LRP12: variants seen among roughly 807,000 people sequenced by gnomAD.
LRP12 encodes LDL receptor related protein 12.
Under a neutral mutation model 66.0 loss-of-function variants are expected in LRP12, and 14 were observed. The observed-to-expected ratio is 0.21, with a 90% confidence interval of 0.14 to 0.33. LRP12 has a LOEUF of 0.33. LRP12 is among the 10% of genes least tolerant of loss of function. The pLI, the probability that LRP12 is intolerant of heterozygous loss-of-function variation, is 1.00. For synonymous variants in LRP12, 357 were observed against 359.1 expected, an observed-to-expected ratio of 0.99 and a Z score of 0.07; for missense variants, 889 against 1,053.4, an observed-to-expected ratio of 0.84 and a Z score of 2.16.
chr8:104,512,359 A>C (rs1194948964), intron 2 of LRP12, among the ~76,000 whole-genome samples: 1 of 152,208 alleles, frequency 6.6e-6, no homozygotes, highest in African/African-American at 2.4e-5. Flanking sequence ...GCTAAAGGAA[A>C]TCTTAAGTTC....
At position 104,554,310 on chromosome 8, in the gene LRP12, C is replaced by T. The variant is rs145653626; in HGVS notation, c.80-22347G>A. Among the ~76,000 whole-genome samples, 24 of 152,070 alleles carry T rather than the reference C, an allele frequency of 1.6e-4. 1 individual carries two copies. Among genetic ancestry groups the T allele is most frequent in the African/African-American group, 3.6e-4 (15 of 41,482 alleles). On this transcript the variant is annotated intron_variant, in intron 1 of 6. Coordinates refer to ENST00000276654, the MANE Select transcript of LRP12 (RefSeq NM_013437.5). ...TTGCCAGAAAAAGAATTCAGATGGT[C>T]GATTATTAAGCTACTCAAAGAGGCA...
chr8:104,547,778 T>G (rs908362917), intron 1 of LRP12, among the ~76,000 whole-genome samples: 3 of 130,062 alleles, frequency 2.3e-5, no homozygotes, highest in Admixed American at 8.5e-5. Flanking sequence ...TATTATATTT[T>G]GTATATAATA....
chr8:104,584,099 A>G (rs1443191045), intron 1 of LRP12, among the ~76,000 whole-genome samples: 2 of 152,014 alleles, frequency 1.3e-5, no homozygotes, highest in Non-Finnish European at 2.9e-5. Flanking sequence ...ATGGGAATAA[A>G]TAATGTACAT....
At chr8:104,491,640 TTC>T in intron 6 of LRP12, 101 bp from the exon 7 acceptor site, 2 of 977,030 alleles carry the variant, frequency 2.0e-6, no homozygotes, top group Non-Finnish European at 2.9e-6. Context: ...TGGTTAAAAA[TTC>T]TGTTACTCAT....
intron 1 of LRP12, among the ~76,000 whole-genome samples, chr8:104,547,724 A>G (rs1811614208): frequency 1.6e-5 from 2 of 127,280 alleles, no homozygotes; most frequent in South Asian, 2.4e-4. Context: ...ATATTATGTT[A>G]TATTTTGTAT....
intron 1 of LRP12, among the ~76,000 whole-genome samples, chr8:104,583,241 T>C (rs752155221): frequency 6.6e-6 from 1 of 152,164 alleles, no homozygotes; most frequent in Non-Finnish European, 1.5e-5. Context: ...CCAAACTCTT[T>C]ACCATGGATT....
rs912052706 is a variant in LRP12, at chr8:104,555,521, A to G, written c.80-23558T>C. On this transcript the variant is annotated intron_variant, in intron 1 of 6. Coordinates refer to ENST00000276654, the MANE Select transcript of LRP12 (RefSeq NM_013437.5). The stretch of plus-strand genomic sequence containing the variant: ...TCTTATATCAGACAACATAAACTTG[A>G]AAGCAACAACAGTAAAAAAGAAATA... 2.6e-5 allele frequency among the ~76,000 whole-genome samples: 4 copies of G among 152,302 alleles called. No individual in the cohort carries two copies. The East Asian group carries it at 5.8e-4, about 22-fold the overall frequency.
intron 1 of LRP12, among the ~76,000 whole-genome samples, chr8:104,588,422 C>A (rs1181675316): frequency 6.6e-6 from 1 of 152,134 alleles, no homozygotes; most frequent in East Asian, 1.9e-4. Context: ...GAAGGACCGT[C>A]CCGGCAGCGG....
intron 1 of LRP12, among the ~76,000 whole-genome samples, chr8:104,558,037 C>G (rs1240850162): frequency 1.3e-5 from 2 of 152,090 alleles, no homozygotes; most frequent in Non-Finnish European, 2.9e-5. Flanking sequence ...TGGTGAAACC[C>G]TGTCTCTACT....
rs1810586746 is a variant in LRP12, at chr8:104,489,676, G to C, written c.*997C>G. 6.6e-6 allele frequency: 1 copy of C among 152,082 alleles called. No homozygotes were observed. The highest frequency in any genetic ancestry group is 6.5e-5 in the Admixed American group (1 of 15,274). The allele number at this position is 152,082 out of a possible 1,614,324, so 9.4% of individuals were successfully genotyped here. ...GAAACCAGCAAAGCAATTTCAAGTTGTAATAAAAATGTCCCCCGCCCCCAG... is the reference window on the plus strand; with the variant it reads ...GAAACCAGCAAAGCAATTTCAAGTTCTAATAAAAATGTCCCCCGCCCCCAG... On this transcript the variant is annotated 3_prime_UTR_variant, in exon 7 of 7. Coordinates refer to ENST00000276654, the MANE Select transcript of LRP12 (RefSeq NM_013437.5).
chr8:104,490,703 C>G lies in LRP12; in HGVS notation c.2550G>C (p.Thr850=), dbSNP rs779030497. The stretch of plus-strand genomic sequence containing the variant: ...AAAGTAACAAAGCCTCATCATCACT[C>G]GTTTCGTTTTTCAGTGTTACTTCTA... ...TCLEVTLKNE[T]SDDEALLLC is the part of the protein sequence containing the mutation. Residue 850 remains threonine, a synonymous_variant, in exon 7 of 7, where the codon ACG becomes ACC. Coordinates refer to ENST00000276654, the MANE Select transcript of LRP12 (RefSeq NM_013437.5). 6.2e-7 allele frequency: 1 copy of G among 1,613,112 alleles called. No individual in the cohort carries two copies. Among genetic ancestry groups the G allele is most frequent in the East Asian group, 2.2e-5 (1 of 44,898 alleles).
intron 1 of LRP12, among the ~76,000 whole-genome samples, chr8:104,574,035 T>C (rs1020434182): frequency 1.3e-5 from 2 of 152,194 alleles, no homozygotes; most frequent in African/African-American, 4.8e-5. Context: ...ACTCCATTTA[T>C]AGATAGATGA....
At chr8:104,531,327 G>T (rs1393401994) in intron 2 of LRP12, among the ~76,000 whole-genome samples, 2 of 152,054 alleles carry the variant, frequency 1.3e-5, no homozygotes, top group Admixed American at 1.3e-4. Flanking sequence ...AAAAATTTTA[G>T]TAGTTATAAG....
rs1811658461 is a variant in LRP12, at chr8:104,548,352, TAA to T, written c.80-16391_80-16390del. Among the ~76,000 whole-genome samples, 2 of 50,340 alleles carry T rather than the reference TAA, an allele frequency of 4.0e-5. 1 individual carries two copies. The highest frequency in any genetic ancestry group is 2.2e-4 in the African/African-American group (2 of 9,102). The allele number at this position is 50,340 out of a possible 152,430, so 33.0% of individuals were successfully genotyped here. ...TATATTATATAAATATATAAATATATAATATATATTATATAAATATATTATAT... is the reference window on the plus strand; with the variant it reads ...TATATTATATAAATATATAAATATATTATATATTATATAAATATATTATAT... On this transcript the variant is annotated intron_variant, in intron 1 of 6. Transcript: ENST00000276654.
At chr8:104,527,911 C>T (rs1307487537) in intron 2 of LRP12, among the ~76,000 whole-genome samples, 1 of 152,100 alleles carries the variant, frequency 6.6e-6, no homozygotes, top group African/African-American at 2.4e-5. Flanking sequence ...TAAGTTCCTT[C>T]AGATAATATT....
chr8:104,502,169 G>C (rs972285958), intron 3 of LRP12, among the ~76,000 whole-genome samples: 1 of 152,162 alleles, frequency 6.6e-6, no homozygotes, highest in Non-Finnish European at 1.5e-5. Context: ...GTCTTAGGGG[G>C]AATTCTTAGT....
At chr8:104,548,599 G>GAATTATATAATTAAATTAATTATATAAT (rs1588501546) in intron 1 of LRP12, among the ~76,000 whole-genome samples, 6 of 66,062 alleles carry the variant, frequency 9.1e-5, no homozygotes, top group African/African-American at 1.3e-4. Flanking sequence ...ATATAATATA[G>GAATTATATAATTAAATTAATTATATAAT]AATTATATAA....
At chr8:104,492,702 TAAG>T (rs1810656663) in intron 6 of LRP12, among the ~76,000 whole-genome samples, 4 of 152,264 alleles carry the variant, frequency 2.6e-5, no homozygotes, top group Admixed American at 2.0e-4. Flanking sequence ...TAATTTATGA[TAAG>T]AAGCTACTAT....
At chr8:104,518,491 G>A (rs1406203180) in intron 2 of LRP12, among the ~76,000 whole-genome samples, 6 of 152,018 alleles carry the variant, frequency 3.9e-5, no homozygotes, top group African/African-American at 1.4e-4. Flanking sequence ...TACCAGGGAG[G>A]TGGAAGGGAG....
Sources: allele counts gnomAD v4.1 joint callset (sites outside exome capture counted in the v4.1 genomes callset), GRCh38; gene constraint gnomAD v4.1.1; transcripts MANE v1.5; gene names NCBI Gene and HGNC (gene_info 2026-07-23, HGNC 2026-07-21).